Variants in PPHLN1 observed in about 807,000 individuals in gnomAD.
PPHLN1 encodes the protein periphilin 1, also known as periphilin-1.
PPHLN1 carries 29 observed loss-of-function variants against 51.3 expected under a neutral mutation model. That is an observed-to-expected ratio of 0.57 (90% CI 0.42 to 0.77). PPHLN1 has a LOEUF of 0.77. Among genes scored for constraint, PPHLN1 ranks in the 30% least tolerant of loss-of-function variants. The probability of loss-of-function intolerance (pLI) is 0.00; values close to 1 mark genes in which losing one functional copy is unlikely to be tolerated. For synonymous variants in PPHLN1, 147 were observed against 147.8 expected (o/e 0.99, Z 0.04); for missense variants, 436 against 438.4 (o/e 0.99, Z 0.05).
intron 9 of PPHLN1, among the ~76,000 whole-genome samples, chr12:42,435,515 C>T (rs1166568674): frequency 6.6e-6 from 1 of 152,182 alleles, no homozygotes. Flanking sequence ...TTGACACCTT[C>T]TGCATTACTA....
At chr12:42,377,018 CTGCAGGCCGCG>C (rs2076325443) in intron 5 of PPHLN1, among the ~76,000 whole-genome samples, 1 of 152,146 alleles carries the variant, frequency 6.6e-6, no homozygotes, top group African/African-American at 2.4e-5. Flanking sequence ...AACCCCCGTC[CTGCAGGCCGCG>C]TGCAGCCCAG....
chr12:42,338,047 G>A (rs557344811), intron 2 of PPHLN1, among the ~76,000 whole-genome samples: 2 of 152,184 alleles, frequency 1.3e-5, no homozygotes, highest in Admixed American at 1.3e-4. Context: ...GCCTCCCAAA[G>A]TGCTGGGATT....
At chr12:42,375,854 T>A (rs765123199) in intron 5 of PPHLN1, among the ~76,000 whole-genome samples, 1 of 152,200 alleles carries the variant, frequency 6.6e-6, no homozygotes, top group Non-Finnish European at 1.5e-5. Context: ...CAGCCTGCAG[T>A]AGAGCTCGTT....
intron 4 of PPHLN1, among the ~76,000 whole-genome samples, chr12:42,357,793 G>C (rs1483887496): frequency 1.3e-5 from 2 of 152,010 alleles, no homozygotes; most frequent in Non-Finnish European, 2.9e-5. Context: ...TGAATATATT[G>C]TGTAGTGGTG....
chr12:42,433,396 C>T (rs900540867), intron 9 of PPHLN1: 7 of 370,976 alleles, frequency 1.9e-5, no homozygotes, highest in Non-Finnish European at 3.1e-5. Flanking sequence ...GTTCTCTGCT[C>T]ACTGCAAGTT....
intron 2 of PPHLN1, chr12:42,343,774 C>G (rs573548629): frequency 6.1e-6 from 2 of 329,734 alleles, no homozygotes; most frequent in Non-Finnish European, 1.2e-5. Context: ...GAAATGTGAT[C>G]AATTCTTGGC....
At chr12:42,436,447 A>C (rs951463645) in intron 9 of PPHLN1, among the ~76,000 whole-genome samples, 4 of 152,194 alleles carry the variant, frequency 2.6e-5, no homozygotes, top group South Asian at 2.1e-4. Flanking sequence ...GTCCAGACTC[A>C]TGTACTTAAC....
In PPHLN1 at chr12:42,441,652, C is replaced by T; in HGVS notation, c.*143C>T. The T allele has an allele frequency of 6.1e-6, 8 of 1,301,954 alleles. No individual in the cohort carries two copies. Among genetic ancestry groups the T allele is most frequent in the Non-Finnish European group, 7.9e-6 (8 of 1,012,124 alleles). The allele number at this position is 1,301,954 out of a possible 1,614,324, so 80.7% of individuals were successfully genotyped here. A position where few individuals can be genotyped will look rare whatever the true frequency, so the allele number is the denominator to read the frequency against. ...TGACAACATTTCAGTATTAAATAAA[C>T]ATCTAAAATAGTCTGTTTAAAATGT... On this transcript the variant is annotated 3_prime_UTR_variant, in exon 10 of 10. Coordinates refer to ENST00000358314, the MANE Select transcript of PPHLN1 (RefSeq NM_201439.2).
intron 2 of PPHLN1, among the ~76,000 whole-genome samples, chr12:42,350,649 C>G (rs538586371): frequency 1.3e-5 from 2 of 152,234 alleles, no homozygotes; most frequent in Admixed American, 6.5e-5. Flanking sequence ...GCGGAGATCA[C>G]GCCACTGCAC....
At chr12:42,364,866 G>A (rs780888077) in intron 4 of PPHLN1, among the ~76,000 whole-genome samples, 5 of 152,130 alleles carry the variant, frequency 3.3e-5, no homozygotes, top group Admixed American at 1.3e-4. Flanking sequence ...GTTTGCAGGC[G>A]AAGGCGTGCT....
intron 3 of PPHLN1, among the ~76,000 whole-genome samples, chr12:42,354,568 G>A (rs1012626258): frequency 1.3e-5 from 2 of 152,026 alleles, no homozygotes; most frequent in Admixed American, 1.3e-4. Flanking sequence ...TCTTTTTTAT[G>A]TACCTTTGCA....
At chr12:42,387,163 A>C in intron 6 of PPHLN1, 1 of 197,646 alleles carries the variant, frequency 5.1e-6, no homozygotes, top group Non-Finnish European at 1.0e-5. Flanking sequence ...TCATGGTTTT[A>C]AAATATGTTT....
chr12:42,394,566 A>C (rs903609799), intron 8 of PPHLN1, among the ~76,000 whole-genome samples: 1 of 152,152 alleles, frequency 6.6e-6, no homozygotes, highest in African/African-American at 2.4e-5. Flanking sequence ...TACACTGCTC[A>C]TAAAAAGTAT....
rs1247056739 is a variant in PPHLN1, at chr12:42,335,894, A to G, written c.-9A>G. ...TTTTTTTTCTTTAGTGGCTTACAGA[A>G]GAGACGAAATGTGGTCTGAGGGACG... On this transcript the variant is annotated 5_prime_UTR_variant, in exon 2 of 10. Coordinates refer to ENST00000358314, the MANE Select transcript of PPHLN1 (RefSeq NM_201439.2). 1.3e-6 allele frequency: 2 copies of G among 1,555,832 alleles called. No individual in the cohort carries two copies. The highest frequency in any genetic ancestry group is 1.8e-5 in the Admixed American group (1 of 54,490).
intron 8 of PPHLN1, 33 bp downstream of exon 8, chr12:42,393,722 C>A: frequency 6.5e-7 from 1 of 1,538,662 alleles, no homozygotes; most frequent in South Asian, 1.3e-5. Flanking sequence ...TGTTTCACAT[C>A]TGAAAGTTTT....
chr12:42,431,813 A>G (rs1351732487), intron 9 of PPHLN1: 7 of 1,265,922 alleles, frequency 5.5e-6, no homozygotes, highest in African/African-American at 2.9e-5. Flanking sequence ...CTGAAGGACC[A>G]TGCTCTTCAA....
rs537719407 is a variant in PPHLN1, at chr12:42,393,775, C to T, written c.768+86C>T. ...TGGGCGAAAAATATTTGGTTTATTC[C>T]TATACTTCAAAATATATCCTTATGG... On this transcript the variant is annotated intron_variant, in intron 8 of 9. Coordinates refer to ENST00000358314, the MANE Select transcript of PPHLN1 (RefSeq NM_201439.2). 1.6e-5 allele frequency: 22 copies of T among 1,350,294 alleles called. No homozygotes were observed. The South Asian group carries it at 2.5e-4, about 16-fold the overall frequency. 83.6% of individuals were successfully genotyped at this position (1,350,294 alleles called of 1,614,324 possible).
chr12:42,412,305 A>T (rs114501289), intron 9 of PPHLN1, among the ~76,000 whole-genome samples: 273 of 152,164 alleles, frequency 1.8e-3, no homozygotes, highest in African/African-American at 6.4e-3. Context: ...GCCTTCGCAT[A>T]CTCAATAGCT....
downstream of PPHLN1, chr12:42,447,420 A>T (rs2083366520): frequency 6.6e-6 from 1 of 152,248 alleles, no homozygotes; most frequent in East Asian, 1.9e-4. Flanking sequence ...CAAAGCGAAT[A>T]GGCAGTTAGC....
Sources: gnomAD v4.1 joint callset for allele counts (sites outside exome capture counted in the v4.1 genomes callset) on GRCh38, gnomAD v4.1.1 for gene constraint, MANE v1.5 for transcripts, NCBI Gene and HGNC (gene_info 2026-07-23, HGNC 2026-07-21) for gene names.